Variants in PRKCA observed in about 807,000 individuals in gnomAD.
PRKCA encodes protein kinase C alpha, also known as protein kinase C alpha type.
Under a neutral mutation model 87.0 loss-of-function variants are expected in PRKCA, and 27 were observed. That is an observed-to-expected ratio of 0.31 (90% CI 0.23 to 0.43). PRKCA has a LOEUF of 0.43. PRKCA is among the 20% of genes least tolerant of loss of function. The probability of loss-of-function intolerance (pLI) is 1.00; values close to 1 mark genes in which losing one functional copy is unlikely to be tolerated. For missense variants in PRKCA, 518 were observed against 852.3 expected, an observed-to-expected ratio of 0.61 and a Z score of 4.88; for synonymous variants, 329 against 311.1, an observed-to-expected ratio of 1.06 and a Z score of -0.61.
intron 5 of PRKCA, among the ~76,000 whole-genome samples, chr17:66,655,342 CA>C (rs1971707452): frequency 6.6e-6 from 1 of 152,190 alleles, no homozygotes; most frequent in Admixed American, 6.5e-5. Context: ...ATGTCCCCTA[CA>C]CGTTTGCACT....
chr17:66,474,797 G>A (rs1431764316), intron 2 of PRKCA, among the ~76,000 whole-genome samples: 2 of 152,170 alleles, frequency 1.3e-5, no homozygotes. Flanking sequence ...TGTAGAAAAA[G>A]GTTTGTGTGT....
chr17:66,309,977 A>G (rs1337570695), intron 2 of PRKCA, among the ~76,000 whole-genome samples: 1 of 151,876 alleles, frequency 6.6e-6, no homozygotes, highest in Non-Finnish European at 1.5e-5. Context: ...GCTCAAATGC[A>G]CTCTTTCTCT....
chr17:66,759,076 T>C (rs1424459967), intron 13 of PRKCA, among the ~76,000 whole-genome samples: 4 of 152,066 alleles, frequency 2.6e-5, no homozygotes, highest in African/African-American at 9.7e-5. Flanking sequence ...AGACTTGGGC[T>C]GGGCGTGGTG....
intron 2 of PRKCA, among the ~76,000 whole-genome samples, chr17:66,474,213 G>C (rs1915443484): frequency 9.0e-6 from 1 of 111,670 alleles, no homozygotes; most frequent in African/African-American, 4.9e-5. Context: ...AACACACCCA[G>C]ATGGGGAGGA....
At chr17:66,615,279 C>T (rs1970485183) in intron 3 of PRKCA, among the ~76,000 whole-genome samples, 1 of 152,144 alleles carries the variant, frequency 6.6e-6, no homozygotes, top group East Asian at 1.9e-4. Context: ...TCTTCTGTTT[C>T]AGGCCTCGGT....
At chr17:66,559,666 T>C (rs1247443749) in intron 3 of PRKCA, among the ~76,000 whole-genome samples, 4 of 152,070 alleles carry the variant, frequency 2.6e-5, no homozygotes, top group African/African-American at 9.7e-5. Flanking sequence ...TAAGTCTTCA[T>C]TAAGTCCTTA....
At chr17:66,562,176 A>G (rs1432955618) in intron 3 of PRKCA, among the ~76,000 whole-genome samples, 1 of 86,178 alleles carries the variant, frequency 1.2e-5, no homozygotes, top group Non-Finnish European at 2.4e-5. Flanking sequence ...TTAAATATAT[A>G]TAATTAAGTT....
intron 5 of PRKCA, among the ~76,000 whole-genome samples, chr17:66,651,204 T>C (rs1177900258): frequency 2.0e-5 from 3 of 152,082 alleles, no homozygotes; most frequent in Non-Finnish European, 4.4e-5. Context: ...GAAGTTCAAG[T>C]GAGAGTTGGA....
intron 13 of PRKCA, among the ~76,000 whole-genome samples, chr17:66,772,664 A>C (rs949127405): frequency 1.3e-5 from 2 of 152,124 alleles, no homozygotes; most frequent in African/African-American, 4.8e-5. Context: ...GAGGTAATGA[A>C]GCCAGTGTTT....
chr17:66,409,595 TAAAATC>T (rs1373381507), intron 2 of PRKCA, among the ~76,000 whole-genome samples: 1 of 152,168 alleles, frequency 6.6e-6, no homozygotes, highest in Non-Finnish European at 1.5e-5. Context: ...TTTAGATAGA[TAAAATC>T]AGAAGTCTTC....
chr17:66,399,635 T>C (rs1312529215), intron 2 of PRKCA, among the ~76,000 whole-genome samples: 1 of 152,192 alleles, frequency 6.6e-6, no homozygotes, highest in Admixed American at 6.5e-5. Flanking sequence ...TCCTAGGCTT[T>C]GGCAGTTACT....
intron 3 of PRKCA, among the ~76,000 whole-genome samples, chr17:66,532,089 A>G (rs34551010): frequency 0.059 from 9,017 of 151,912 alleles, 350 homozygotes; most frequent in South Asian, 0.11. Context: ...AAGAGGGAAC[A>G]TTGCAGATGG....
chr17:66,545,524 C>G (rs1161508531), intron 3 of PRKCA, among the ~76,000 whole-genome samples: 1 of 152,108 alleles, frequency 6.6e-6, no homozygotes, highest in Non-Finnish European at 1.5e-5. Context: ...AATCCTACAT[C>G]ACATCATGCA....
intron 8 of PRKCA, among the ~76,000 whole-genome samples, chr17:66,716,088 G>A: frequency 6.6e-6 from 1 of 152,038 alleles, no homozygotes; most frequent in East Asian, 1.9e-4. Context: ...TTTCCCAAGA[G>A]CTGGATGGCT....
intron 2 of PRKCA, among the ~76,000 whole-genome samples, chr17:66,343,687 A>T (rs1423036134): frequency 5.3e-5 from 8 of 151,736 alleles, no homozygotes; most frequent in Non-Finnish European, 1.2e-4. Context: ...AATGGACTAG[A>T]CTTAGTGGAA....
chr17:66,349,794 G>C (rs1907626617), intron 2 of PRKCA, among the ~76,000 whole-genome samples: 2 of 152,074 alleles, frequency 1.3e-5, no homozygotes, highest in African/African-American at 2.4e-5. Flanking sequence ...TTGAGTGTTA[G>C]GTGTCTCTTT....
chr17:66,648,358 G>A (rs115318098), intron 5 of PRKCA, among the ~76,000 whole-genome samples: 1,825 of 152,308 alleles, frequency 0.012, 33 homozygotes, highest in African/African-American at 0.042. Context: ...CCACAGGACC[G>A]CTTTCTAAGT....
chr17:66,734,679 C>T (rs1437792685), intron 9 of PRKCA, among the ~76,000 whole-genome samples: 1 of 152,182 alleles, frequency 6.6e-6, no homozygotes, highest in African/African-American at 2.4e-5. Flanking sequence ...CTAAGAATGC[C>T]TGACCTCCTG....
chr17:66,569,695 C>T (rs1346587786), intron 3 of PRKCA, among the ~76,000 whole-genome samples: 4 of 152,102 alleles, frequency 2.6e-5, no homozygotes, highest in Non-Finnish European at 5.9e-5. Flanking sequence ...AGTGTTCAAC[C>T]TGGGTCATCA....
Sources: allele counts gnomAD v4.1 joint callset (sites outside exome capture counted in the v4.1 genomes callset), GRCh38; gene constraint gnomAD v4.1.1; transcripts MANE v1.5; gene names NCBI Gene and HGNC (gene_info 2026-07-23, HGNC 2026-07-21).